NCAM1: variants seen among roughly 807,000 people sequenced by gnomAD.
The protein encoded by NCAM1 is antigen recognized by monoclonal antibody 5.1H11.
Under a neutral mutation model 109.8 loss-of-function variants are expected in NCAM1, and 14 were observed. That is an observed-to-expected ratio of 0.13 (90% CI 0.08 to 0.20). The LOEUF (loss-of-function observed/expected upper bound fraction) is 0.20. Among genes scored for constraint, NCAM1 ranks in the 10% least tolerant of loss-of-function variants. NCAM1 has a pLI of 1.00. For missense variants in NCAM1, 774 were observed against 1,109.9 expected (o/e 0.70, Z 4.30); for synonymous variants, 418 against 442.9 (o/e 0.94, Z 0.70).
chr11:113,092,211 A>G (rs1555089481), intron 1 of NCAM1, among the ~76,000 whole-genome samples: 2 of 151,770 alleles, frequency 1.3e-5, no homozygotes, highest in Non-Finnish European at 1.5e-5. Flanking sequence ...ATTCAATTAA[A>G]CTTCATAATG....
chr11:113,266,015 A>T (rs1436401277), intron 17 of NCAM1, among the ~76,000 whole-genome samples: 1 of 152,082 alleles, frequency 6.6e-6, no homozygotes, highest in Non-Finnish European at 1.5e-5. Flanking sequence ...GGCAGCTCTG[A>T]CCTCGAGGTT....
intron 1 of NCAM1, among the ~76,000 whole-genome samples, chr11:113,073,145 T>A (rs1191586250): frequency 6.6e-6 from 1 of 152,370 alleles, no homozygotes; most frequent in South Asian, 2.1e-4. Flanking sequence ...CTTAGCATCA[T>A]GTCTTCAGGG....
chr11:113,167,830 G>C (rs781983669), intron 1 of NCAM1, among the ~76,000 whole-genome samples: 1 of 152,230 alleles, frequency 6.6e-6, no homozygotes, highest in Non-Finnish European at 1.5e-5. Context: ...AGTGTGACCA[G>C]TTTGCTGTGG....
At chr11:113,035,190 TA>T (rs369405787) in intron 1 of NCAM1, among the ~76,000 whole-genome samples, 220 of 152,328 alleles carry the variant, frequency 1.4e-3, no homozygotes, top group African/African-American at 4.7e-3. Flanking sequence ...ACCTTATAAC[TA>T]GGGCCCATTT....
In NCAM1 at chr11:112,961,431, G is replaced by A. The variant is rs1459042324; in HGVS notation, c.-182G>A. 2 of 762,340 alleles carry A rather than the reference G, an allele frequency of 2.6e-6. No homozygotes were observed. Among genetic ancestry groups the A allele is most frequent in the African/African-American group, 1.7e-5 (1 of 58,824 alleles). 47.2% of individuals were successfully genotyped at this position (762,340 alleles called of 1,614,324 possible). A position where few individuals can be genotyped will look rare whatever the true frequency, so the allele number is the denominator to read the frequency against. The stretch of plus-strand genomic sequence containing the variant: ...AGGCTGGGACTGTCACTCATTCTCC[G>A]ATCAGCGCGTGAACGCAGCTCGGCT... On this transcript the variant is annotated 5_prime_UTR_variant, in exon 1 of 20. Coordinates refer to ENST00000316851, the MANE Select transcript of NCAM1 (RefSeq NM_181351.5).
At chr11:113,186,512 A>C (rs930930073) in intron 1 of NCAM1, among the ~76,000 whole-genome samples, 1 of 152,220 alleles carries the variant, frequency 6.6e-6, no homozygotes, top group African/African-American at 2.4e-5. Context: ...ATTAAGGCAC[A>C]AGCTAATTGC....
Position 113,056,020 on chromosome 11 carries a change from TATATAA to T in NCAM1, c.52+94358_52+94363del, listed in dbSNP as rs1234249612. 2.4e-4 allele frequency among the ~76,000 whole-genome samples: 28 copies of T among 115,056 alleles called. 1 individual carries two copies. The highest frequency in any genetic ancestry group is 1.1e-3 in the Admixed American group (12 of 11,016). 75.5% of individuals were successfully genotyped at this position (115,056 alleles called of 152,430 possible). On this transcript the variant is annotated intron_variant, in intron 1 of 19. Coordinates refer to ENST00000316851, the MANE Select transcript of NCAM1 (RefSeq NM_181351.5). ...ATATATATATATATATATATATATA[TATATAA>T]AATATATATATTATATATACACACA...
intron 1 of NCAM1, among the ~76,000 whole-genome samples, chr11:113,051,535 A>T (rs1407097986): frequency 6.6e-6 from 1 of 152,200 alleles, no homozygotes; most frequent in African/African-American, 2.4e-5. Flanking sequence ...TACCACCTAA[A>T]AAAAATAAGA....
At chr11:112,997,905 C>A (rs968596194) in intron 1 of NCAM1, among the ~76,000 whole-genome samples, 3 of 152,132 alleles carry the variant, frequency 2.0e-5, no homozygotes, top group Admixed American at 2.0e-4. Context: ...AAAAGTGATT[C>A]TTTTCCCACG....
intron 1 of NCAM1, among the ~76,000 whole-genome samples, chr11:113,158,304 G>T (rs1357361727): frequency 2.0e-5 from 3 of 152,132 alleles, no homozygotes. Flanking sequence ...TTGGGAAAAT[G>T]TCTTCCAGAG....
At chr11:113,127,776 G>C (rs1555097421) in intron 1 of NCAM1, among the ~76,000 whole-genome samples, 1 of 152,170 alleles carries the variant, frequency 6.6e-6, no homozygotes, top group Non-Finnish European at 1.5e-5. Context: ...CTTCCTACAA[G>C]AGACAGAAAT....
chr11:113,108,824 A>G (rs1479449308), intron 1 of NCAM1, among the ~76,000 whole-genome samples: 4 of 146,708 alleles, frequency 2.7e-5, no homozygotes, highest in African/African-American at 1.0e-4. Flanking sequence ...CGCCCAGGCT[A>G]GAGTGCAGTG....
chr11:113,255,235 A>G lies in NCAM1; in HGVS notation c.1829-642A>G, dbSNP rs1364113987. ...CTTACAGGAAACTTGCATAAGAGCC[A>G]TAAGGATACTTACAAAAAACTTGCC... On this transcript the variant is annotated intron_variant, in intron 15 of 19. Coordinates refer to ENST00000316851, the MANE Select transcript of NCAM1 (RefSeq NM_181351.5). 3.9e-5 allele frequency among the ~76,000 whole-genome samples: 6 copies of G among 152,240 alleles called. No individual in the cohort carries two copies. In the East Asian group the frequency reaches 5.8e-4, roughly 15 times the overall value.
intron 1 of NCAM1, among the ~76,000 whole-genome samples, chr11:112,976,844 G>GT (rs1951021371): frequency 6.6e-6 from 1 of 151,768 alleles, no homozygotes; most frequent in Admixed American, 6.6e-5. Flanking sequence ...TGTAGAAGTT[G>GT]TTTTTTAAAA....
intron 19 of NCAM1, 102 bp downstream of exon 19, chr11:113,271,978 C>G: frequency 2.4e-6 from 2 of 823,108 alleles, no homozygotes; most frequent in South Asian, 3.5e-5. Flanking sequence ...AGCTCCCGGC[C>G]AAACAGTTCA....
intron 1 of NCAM1, among the ~76,000 whole-genome samples, chr11:113,173,591 GATATATATATATATAT>G (rs5794851): frequency 2.0e-4 from 25 of 126,724 alleles, no homozygotes; most frequent in South Asian, 7.7e-4. Flanking sequence ...CATGTTACCT[GATATATATATATATAT>G]ATATATATAT....
intron 1 of NCAM1, among the ~76,000 whole-genome samples, chr11:113,192,991 G>T (rs1490849971): frequency 6.6e-6 from 1 of 152,162 alleles, no homozygotes; most frequent in Non-Finnish European, 1.5e-5. Flanking sequence ...GCTCCTCAGT[G>T]CATGAGGCTG....
At chr11:113,228,359 G>A (rs113671788) in intron 9 of NCAM1, among the ~76,000 whole-genome samples, 2 of 151,980 alleles carry the variant, frequency 1.3e-5, no homozygotes, top group East Asian at 3.8e-4. Context: ...TAAAATACCT[G>A]GGAATCCAAC....
intron 1 of NCAM1, among the ~76,000 whole-genome samples, chr11:113,004,019 AGAGGAG>A (rs1951824480): frequency 6.6e-6 from 1 of 152,104 alleles, no homozygotes; most frequent in Non-Finnish European, 1.5e-5. Context: ...TACGTCAGGG[AGAGGAG>A]AAGATGACAA....
Sources: gnomAD v4.1 joint callset for allele counts (sites outside exome capture counted in the v4.1 genomes callset) on GRCh38, gnomAD v4.1.1 for gene constraint, MANE v1.5 for transcripts, NCBI Gene and HGNC (gene_info 2026-07-23, HGNC 2026-07-21) for gene names.